The following LPP variants were observed in gnomAD, a reference collection of about 807,000 sequenced individuals.
LPP encodes lipoma-preferred partner.
LPP carries 38 observed loss-of-function variants against 60.4 expected under a neutral mutation model. The ratio of observed to expected loss-of-function variants is 0.63; its 90% CI spans 0.49 to 0.83. LPP has a LOEUF of 0.83. Ranked by LOEUF, LPP falls within the 40% of genes least tolerant of loss-of-function variation. The pLI is 0.00. For synonymous variants in LPP, 328 were observed against 290.8 expected (o/e 1.13, Z -1.30); for missense variants, 902 against 783.6 (o/e 1.15, Z -1.80).
At chr3:188,603,443 G>A (rs1841828892) in intron 6 of LPP, among the ~76,000 whole-genome samples, 1 of 151,804 alleles carries the variant, frequency 6.6e-6, no homozygotes, top group South Asian at 2.1e-4. Flanking sequence ...TATGCAGCCA[G>A]ATGACCCAGG....
intron 9 of LPP, among the ~76,000 whole-genome samples, chr3:188,823,367 G>A (rs1321782872): frequency 1.3e-5 from 2 of 152,022 alleles, no homozygotes; most frequent in Non-Finnish European, 2.9e-5. Flanking sequence ...AAGCTCCATT[G>A]TAGACCTTTC....
chr3:188,760,407 G>GT lies in LPP; in HGVS notation c.1410+125_1410+126insT, dbSNP rs1553836177. ...TTCCTAGACTTCAAAATGTGTGTGT[G>GT]GGGTGTGTGTGTGTGTGTGTGTGTG... is the stretch of plus-strand genomic sequence containing the variant. On this transcript the variant is annotated intron_variant, in intron 9 of 11. Coordinates refer to ENST00000617246, the MANE Select transcript of LPP (RefSeq NM_001375462.1). The GT allele has an allele frequency of 2.0e-4, 108 of 538,478 alleles. No homozygotes were observed. The Middle Eastern group carries it at 2.0e-3, about 10-fold the overall frequency. 33.4% of individuals were successfully genotyped at this position (538,478 alleles called of 1,614,324 possible). A position where few individuals can be genotyped will look rare whatever the true frequency, so the allele number is the denominator to read the frequency against.
chr3:188,835,737 A>G (rs1758294495), intron 9 of LPP, among the ~76,000 whole-genome samples: 1 of 152,238 alleles, frequency 6.6e-6, no homozygotes, highest in Non-Finnish European at 1.5e-5. Context: ...CGATGTGACA[A>G]GTCTCTACCT....
chr3:188,464,019 T>C (rs576904414), intron 4 of LPP, among the ~76,000 whole-genome samples: 2 of 152,322 alleles, frequency 1.3e-5, no homozygotes, highest in Admixed American at 1.3e-4. Flanking sequence ...AATACAGTAT[T>C]GGATTTGGAG....
intron 6 of LPP, among the ~76,000 whole-genome samples, chr3:188,551,193 C>T (rs1307525127): frequency 6.6e-6 from 1 of 152,044 alleles, no homozygotes; most frequent in Non-Finnish European, 1.5e-5. Context: ...AGAGTCATGG[C>T]GGGAGGCGAA....
Position 188,572,865 on chromosome 3 carries a change from C to T in LPP, c.430-36296C>T, listed in dbSNP as rs1363109545. The stretch of plus-strand genomic sequence containing the variant: ...AGACTAATAGTTGTCATTTCCAACA[C>T]TTTTGACCTCCATGCCAGAGTAAAA... On this transcript the variant is annotated intron_variant, in intron 6 of 11. Transcript: ENST00000617246. The surrounding 1 kb of genome is among the most constrained non-coding windows in gnomAD (Gnocchi z 4.1). Among the ~76,000 whole-genome samples the T allele has an allele frequency of 6.6e-6, 1 of 152,088 alleles. No homozygotes were observed. Among genetic ancestry groups the T allele is most frequent in the African/African-American group, 2.4e-5 (1 of 41,422 alleles).
At position 188,217,997 on chromosome 3, in the gene LPP, A is replaced by G. The variant is rs1025610148; in HGVS notation, c.-189-7408A>G. 6.6e-6 allele frequency among the ~76,000 whole-genome samples: 1 copy of G among 151,906 alleles called. No homozygotes were observed. Among genetic ancestry groups the G allele is most frequent in the African/African-American group, 2.4e-5 (1 of 41,374 alleles). On this transcript the variant is annotated intron_variant, in intron 1 of 11. Coordinates refer to ENST00000617246, the MANE Select transcript of LPP (RefSeq NM_001375462.1). The surrounding 1 kb of genome is among the most constrained non-coding windows in gnomAD (Gnocchi z 4.0). ...ATGAGGAACGTTCAGAGTGATGCTG[A>G]CTTTATGGGCTGTATTTAACATGTT...
At chr3:188,622,411 T>A (rs1845969214) in intron 7 of LPP, among the ~76,000 whole-genome samples, 2 of 152,222 alleles carry the variant, frequency 1.3e-5, no homozygotes, top group African/African-American at 2.4e-5. Flanking sequence ...TACAACGTAA[T>A]TCTGTCTAGT....
At chr3:188,720,423 G>T (rs903359772) in intron 8 of LPP, among the ~76,000 whole-genome samples, 1 of 152,074 alleles carries the variant, frequency 6.6e-6, no homozygotes, top group Non-Finnish European at 1.5e-5. Context: ...TTCCATCCCG[G>T]TTCAGAGGAT....
chr3:188,221,361 T>C (rs1715708326), intron 1 of LPP, among the ~76,000 whole-genome samples: 2 of 152,186 alleles, frequency 1.3e-5, no homozygotes. Context: ...ATTCTGTCTT[T>C]TGTGTTCCAG....
chr3:188,206,919 C>CT, intron 1 of LPP, among the ~76,000 whole-genome samples: 1 of 152,226 alleles, frequency 6.6e-6, no homozygotes, highest in East Asian at 1.9e-4. Context: ...AGTATAATAC[C>CT]TAGCACAGAG....
intron 10 of LPP, among the ~76,000 whole-genome samples, chr3:188,870,546 C>T (rs189349480): frequency 6.6e-6 from 1 of 152,328 alleles, no homozygotes; most frequent in East Asian, 1.9e-4. Flanking sequence ...GATAAAAATA[C>T]TTCCTCATAA....
chr3:188,660,808 G>A (rs1170922123), intron 7 of LPP, among the ~76,000 whole-genome samples: 1 of 152,076 alleles, frequency 6.6e-6, no homozygotes, highest in African/African-American at 2.4e-5. Flanking sequence ...TGACGAGAGT[G>A]GCACATTAGT....
chr3:188,345,633 C>T (rs767962727), intron 3 of LPP, among the ~76,000 whole-genome samples: 4 of 152,228 alleles, frequency 2.6e-5, no homozygotes, highest in Non-Finnish European at 4.4e-5. Flanking sequence ...CAGTGTCTCT[C>T]ACCCTTTCAG....
intron 3 of LPP, among the ~76,000 whole-genome samples, chr3:188,373,489 G>C (rs1338688701): frequency 1.3e-5 from 2 of 152,060 alleles, no homozygotes; most frequent in African/African-American, 4.8e-5. Flanking sequence ...GTGTTTTTTG[G>C]CTGCATAAAT....
At chr3:188,153,995 G>T, upstream of LPP, 1 of 153,256 alleles carries the variant, frequency 6.5e-6, no homozygotes, top group South Asian at 1.8e-4. Flanking sequence ...TAGCTTTAGC[G>T]ATCGGGAGAC....
chr3:188,713,817 G>T (rs1424046578), intron 8 of LPP, among the ~76,000 whole-genome samples: 1 of 152,196 alleles, frequency 6.6e-6, no homozygotes, highest in Non-Finnish European at 1.5e-5. Flanking sequence ...TCTTGGGTGG[G>T]TAGAGAGATT....
intron 5 of LPP, among the ~76,000 whole-genome samples, chr3:188,504,796 A>G (rs1488590649): frequency 2.9e-5 from 3 of 102,250 alleles, no homozygotes; most frequent in East Asian, 1.2e-3. Context: ...ATAAAGGAAG[A>G]AAAAAAAAAA....
At chr3:188,858,547 A>G (rs1298061100) in intron 9 of LPP, among the ~76,000 whole-genome samples, 1 of 152,206 alleles carries the variant, frequency 6.6e-6, no homozygotes, top group Non-Finnish European at 1.5e-5. Flanking sequence ...GCTTAAGAAT[A>G]AAAAACAGGG....
Sources: gnomAD v4.1 joint callset for allele counts (sites outside exome capture counted in the v4.1 genomes callset) on GRCh38, gnomAD v4.1.1 for gene constraint, Gnocchi (gnomAD v3.1) non-coding constraint, MANE v1.5 for transcripts, NCBI Gene and HGNC (gene_info 2026-07-23, HGNC 2026-07-21) for gene names.